LINGO1: variants seen among roughly 807,000 people sequenced by gnomAD.
The protein encoded by LINGO1 is leucine-rich repeat and immunoglobulin-like domain-containing nogo receptor-interacting protein 1.
Under a neutral mutation model 37.3 loss-of-function variants are expected in LINGO1, and 11 were observed. The observed-to-expected ratio is 0.29, with a 90% CI of 0.19 to 0.49. LINGO1 has a LOEUF of 0.49. Among genes scored for constraint, LINGO1 ranks in the 20% least tolerant of loss-of-function variants. LINGO1 has a pLI of 0.99. For synonymous variants in LINGO1, 387 were observed against 403.0 expected (o/e 0.96, Z 0.48); for missense variants, 585 against 878.2 (o/e 0.67, Z 4.22).
intron 1 of LINGO1, among the ~76,000 whole-genome samples, chr15:77,626,912 C>T (rs902915202): frequency 1.3e-5 from 2 of 152,100 alleles, no homozygotes; most frequent in African/African-American, 2.4e-5. Context: ...GAGATGCCCC[C>T]GTGTTGCATC....
chr15:77,677,719 C>A (rs1176813991), intron 2 of LINGO1, among the ~76,000 whole-genome samples: 1 of 152,100 alleles, frequency 6.6e-6, no homozygotes, highest in African/African-American at 2.4e-5. Flanking sequence ...CTTGGGAACA[C>A]CCTCTCAGTG....
intron 2 of LINGO1, among the ~76,000 whole-genome samples, chr15:77,716,240 C>A (rs576200137): frequency 6.7e-6 from 1 of 149,772 alleles, no homozygotes; most frequent in East Asian, 2.1e-4. Flanking sequence ...AATACAGACA[C>A]TGCTCCCCAC....
chr15:77,643,349 G>A (rs764729553), intron 3 of LINGO1, among the ~76,000 whole-genome samples: 1 of 152,156 alleles, frequency 6.6e-6, no homozygotes, highest in Non-Finnish European at 1.5e-5. Flanking sequence ...TGGGGACAGA[G>A]GCAAACCTCA....
rs552365364 is a variant in LINGO1, at chr15:77,619,992, G to A, written c.7-4092C>T. 2.0e-4 allele frequency among the ~76,000 whole-genome samples: 31 copies of A among 152,290 alleles called. No homozygotes were observed. In the South Asian group the frequency reaches 2.1e-3, roughly 10 times the overall value. On this transcript the variant is annotated intron_variant, in intron 1 of 1. Coordinates refer to ENST00000355300, the MANE Select transcript of LINGO1 (RefSeq NM_032808.7). ...CTGGCACAGCAAGGGCACAGTCTCCGCTGGGCCTAGTCTCCTGGTCTCCCA... is the reference window on the plus strand; with the variant it reads ...CTGGCACAGCAAGGGCACAGTCTCCACTGGGCCTAGTCTCCTGGTCTCCCA...
At position 77,810,297 on chromosome 15, in the gene LINGO1, C is replaced by T. The variant is rs910529079; in HGVS notation, c.-458+9961G>A. Among the ~76,000 whole-genome samples the T allele has an allele frequency of 1.0e-3, 152 of 147,646 alleles. No homozygotes were observed. In the Middle Eastern group the frequency reaches 0.01, roughly 10 times the overall value. ...ACACACATACACAAGCACACACACA[C>T]GGGTAACTAGGCTCACACACACACA... is the stretch of plus-strand genomic sequence containing the variant. On this transcript the variant is annotated intron_variant, in intron 1 of 5. Transcript: ENST00000562933.
intron 1 of LINGO1, among the ~76,000 whole-genome samples, chr15:77,762,587 G>A (rs1477804411): frequency 6.6e-6 from 1 of 152,212 alleles, no homozygotes; most frequent in Non-Finnish European, 1.5e-5. Context: ...AAGGCTAAGA[G>A]ATCTGGATTA....
intron 1 of LINGO1, among the ~76,000 whole-genome samples, chr15:77,628,099 T>C (rs112888213): frequency 4.6e-4 from 70 of 152,300 alleles, no homozygotes; most frequent in African/African-American, 1.6e-3. Context: ...GGGACACTCA[T>C]CTCCTGCTGG....
intron 2 of LINGO1, among the ~76,000 whole-genome samples, chr15:77,716,327 C>CTGGAGTGCA (rs1320800752): frequency 4.3e-5 from 6 of 139,294 alleles, no homozygotes; most frequent in East Asian, 4.7e-4. Context: ...GTCACCCAGG[C>CTGGAGTGCA]TGGAGTGCAG....
intron 2 of LINGO1, among the ~76,000 whole-genome samples, chr15:77,733,972 C>T (rs1443669731): frequency 1.3e-5 from 2 of 152,210 alleles, no homozygotes; most frequent in Non-Finnish European, 1.5e-5. Flanking sequence ...TCGTACTTGG[C>T]CTTCTACACA....
At chr15:77,682,257 C>T (rs1199423168) in intron 2 of LINGO1, among the ~76,000 whole-genome samples, 1 of 140,702 alleles carries the variant, frequency 7.1e-6, no homozygotes, top group Non-Finnish European at 1.5e-5. Flanking sequence ...ATGCCATACT[C>T]ATATGGCAGT....
At chr15:77,675,942 A>G (rs188185899) in intron 3 of LINGO1, among the ~76,000 whole-genome samples, 1 of 152,256 alleles carries the variant, frequency 6.6e-6, no homozygotes, top group East Asian at 1.9e-4. Flanking sequence ...GCAATTTTCT[A>G]TTCCTGGTTC....
At chr15:77,720,417 C>A (rs2076037552) in intron 2 of LINGO1, among the ~76,000 whole-genome samples, 1 of 152,256 alleles carries the variant, frequency 6.6e-6, no homozygotes, top group African/African-American at 2.4e-5. Flanking sequence ...CAGTGCCTGC[C>A]ACCAGGCCAC....
At chr15:77,798,241 G>T (rs542566695) in intron 1 of LINGO1, among the ~76,000 whole-genome samples, 2 of 152,332 alleles carry the variant, frequency 1.3e-5, no homozygotes, top group East Asian at 1.9e-4. Flanking sequence ...CCCAAGCCAG[G>T]TCTAGTCAGA....
chr15:77,793,555 A>G (rs1450976556), intron 2 of LINGO1, among the ~76,000 whole-genome samples: 2 of 151,968 alleles, frequency 1.3e-5, no homozygotes, highest in African/African-American at 4.8e-5. Context: ...GCCACCCTAA[A>G]CTTTCCCTGC....
chr15:77,664,753 T>G (rs374789239), intron 3 of LINGO1, among the ~76,000 whole-genome samples: 1 of 152,024 alleles, frequency 6.6e-6, no homozygotes, highest in Non-Finnish European at 1.5e-5. Context: ...GGGAGGGCCT[T>G]GAGATGGGCC....
chr15:77,747,681 A>G (rs2141360325), intron 1 of LINGO1, among the ~76,000 whole-genome samples: 1 of 152,354 alleles, frequency 6.6e-6, no homozygotes, highest in African/African-American at 2.4e-5. Flanking sequence ...GGGCCAGAGA[A>G]GGAGGCTGCA....
chr15:77,629,932 G>A (rs2074203079), intron 1 of LINGO1, among the ~76,000 whole-genome samples: 1 of 152,154 alleles, frequency 6.6e-6, no homozygotes. Context: ...CTTGGAGGAG[G>A]GGGTCAGGAG....
At chr15:77,708,209 C>A (rs1274047251) in intron 2 of LINGO1, among the ~76,000 whole-genome samples, 1 of 152,176 alleles carries the variant, frequency 6.6e-6, no homozygotes, top group African/African-American at 2.4e-5. Context: ...CGAGTTTCCA[C>A]ATATAAAAGG....
At chr15:77,682,801 C>T (rs2075439800) in intron 2 of LINGO1, among the ~76,000 whole-genome samples, 2 of 152,146 alleles carry the variant, frequency 1.3e-5, no homozygotes, top group South Asian at 4.1e-4. Flanking sequence ...TGACCTCATC[C>T]CCGCTCCACT....
Sources: allele counts gnomAD v4.1 joint callset (sites outside exome capture counted in the v4.1 genomes callset), GRCh38; gene constraint gnomAD v4.1.1; transcripts MANE v1.5; gene names NCBI Gene and HGNC (gene_info 2026-07-23, HGNC 2026-07-21).